The following PHYHD1 variants were observed in gnomAD, a reference collection of about 807,000 sequenced individuals.
The protein encoded by PHYHD1 is phytanoyl-CoA dioxygenase domain containing 1, also known as phytanoyl-CoA dioxygenase domain-containing protein 1.
A neutral mutation model predicts 43.6 loss-of-function variants in PHYHD1; 42 were observed. That is an observed-to-expected ratio of 0.96 (90% confidence interval 0.75 to 1.25). The LOEUF (loss-of-function observed/expected upper bound fraction) is 1.25, where lower values mean the gene tolerates loss of function less well. PHYHD1 is among the 50% of genes most tolerant of loss of function. PHYHD1 has a pLI of 0.00. For missense variants in PHYHD1, 342 were observed against 370.8 expected (o/e 0.92, Z 0.64); for synonymous variants, 139 against 143.6 (o/e 0.97, Z 0.23).
chr9:128,936,340 C>A lies in PHYHD1; in HGVS notation c.317-108C>A, dbSNP rs1841421458. The A allele has an allele frequency of 3.4e-6, 5 of 1,458,096 alleles. No homozygotes were observed. The East Asian group carries it at 9.9e-5, about 29-fold the overall frequency. The allele number at this position is 1,458,096 out of a possible 1,614,324, so 90.3% of individuals were successfully genotyped here. A position where few individuals can be genotyped will look rare whatever the true frequency, so the allele number is the denominator to read the frequency against. ...AAACAAGCAGAAGGGTTAATGCCTACAAAGTAAGTGAGAATGTCAAAGTAA... is the reference window on the plus strand; with the variant it reads ...AAACAAGCAGAAGGGTTAATGCCTAAAAAGTAAGTGAGAATGTCAAAGTAA... On this transcript the variant is annotated intron_variant, in intron 6 of 12. Transcript: ENST00000372592.
At chr9:128,926,558 C>CTTT (rs56677426) in intron 3 of PHYHD1, among the ~76,000 whole-genome samples, 5 of 119,116 alleles carry the variant, frequency 4.2e-5, no homozygotes, top group Admixed American at 9.3e-5. Flanking sequence ...CTTTTTCTTT[C>CTTT]TTTTTTTTTT....
In PHYHD1 at chr9:128,941,440, G is replaced by C. The variant is rs1355099971; in HGVS notation, c.704-5G>C. ...AGGTTCCTGACCTGCTTGTGTCTCT[G>C]CCAGGGGCCCTGGTCCTCATCCATG... On this transcript the variant is annotated splice_polypyrimidine_tract_variant and splice_region_variant and intron_variant, in intron 11 of 12. Coordinates refer to ENST00000372592, the MANE Select transcript of PHYHD1 (RefSeq NM_001100876.2). 1.2e-6 allele frequency: 2 copies of C among 1,612,916 alleles called. No homozygotes were observed. The highest frequency in any genetic ancestry group is 4.5e-5 in the East Asian group (2 of 44,874).
intron 3 of PHYHD1, among the ~76,000 whole-genome samples, chr9:128,926,142 A>G (rs960794226): frequency 3.9e-5 from 6 of 152,218 alleles, no homozygotes; most frequent in African/African-American, 1.4e-4. Flanking sequence ...TGCTCAATCA[A>G]TATTGGCTGA....
chr9:128,941,495 C>G lies in PHYHD1; in HGVS notation c.754C>G (p.Leu252Val), dbSNP rs1359633343. 6.2e-7 allele frequency: 1 copy of G among 1,614,034 alleles called. No individual in the cohort carries two copies. Among genetic ancestry groups the G allele is most frequent in the African/African-American group, 1.3e-5 (1 of 75,004 alleles). Reference protein sequence around the residue: ...GEVVHKSKQNLSDRSRQAYTF... With the variant: ...GEVVHKSKQNVSDRSRQAYTF... ...AGTGGTACACAAGAGCAAGCAGAAC[C>G]TCTCTGACCGCTCGCGCCAGGCCTA... is the stretch of plus-strand genomic sequence containing the variant. Residue 252 changes from leucine (L) to valine (V), a missense_variant, in exon 12 of 13, where the codon CTC (leucine) becomes GTC (valine). Leu to Val is a conservative substitution (Grantham distance 32). Transcript: ENST00000372592.
intron 4 of PHYHD1, among the ~76,000 whole-genome samples, chr9:128,932,929 G>C (rs533973610): frequency 4.6e-4 from 69 of 150,422 alleles, no homozygotes; most frequent in African/African-American, 1.7e-3. Flanking sequence ...CTCACTGCAA[G>C]CTCTGCCTCC....
intron 2 of PHYHD1, 90 bp downstream of exon 2, chr9:128,922,137 T>C (rs778385570): frequency 1.7e-6 from 1 of 598,640 alleles, no homozygotes; most frequent in Non-Finnish European, 3.0e-6. Context: ...CCTGGATTAG[T>C]TGTGGGGGTG....
rs554660850 is a variant in PHYHD1, at chr9:128,941,821, C to T, written c.*108C>T. On this transcript the variant is annotated 3_prime_UTR_variant, in exon 13 of 13. Coordinates refer to ENST00000372592, the MANE Select transcript of PHYHD1 (RefSeq NM_001100876.2). ...TTGCAACAGGGAGGTCTTGTCTCCC[C>T]TCCTGGGCTTTCCTCCTGCCCTGTG... is the stretch of plus-strand genomic sequence containing the variant. The T allele has an allele frequency of 4.7e-5, 69 of 1,477,762 alleles. No homozygotes were observed. The Admixed American group carries it at 8.9e-4, about 19-fold the overall frequency. 91.5% of individuals were successfully genotyped at this position (1,477,762 alleles called of 1,614,324 possible). A position where few individuals can be genotyped will look rare whatever the true frequency, so the allele number is the denominator to read the frequency against.
rs535245117 is a variant in PHYHD1, at chr9:128,936,373, T to C, written c.317-75T>C. 2.2e-4 allele frequency: 341 copies of C among 1,545,160 alleles called. No homozygotes were observed. In the Middle Eastern group the frequency reaches 2.4e-3, roughly 11 times the overall value. ...GTGAGAATGTCAAAGTAAGCCTGAGTGTGGGTGCCCAGAGCTGGGTGTGGA... is the reference window on the plus strand; with the variant it reads ...GTGAGAATGTCAAAGTAAGCCTGAGCGTGGGTGCCCAGAGCTGGGTGTGGA... On this transcript the variant is annotated intron_variant, in intron 6 of 12. Transcript: ENST00000372592.
rs576622482 is a variant in PHYHD1, at chr9:128,941,387, C to A, written c.704-58C>A. On this transcript the variant is annotated intron_variant, in intron 11 of 12. Transcript: ENST00000372592. ...GGAGGAGGGCCCATGTCCCTTCCTGCTCTGGGGAGGGGGGATGTGGGGCTG... is the reference window on the plus strand; with the variant it reads ...GGAGGAGGGCCCATGTCCCTTCCTGATCTGGGGAGGGGGGATGTGGGGCTG... 37 of 1,597,572 alleles carry A rather than the reference C, an allele frequency of 2.3e-5. No individual in the cohort carries two copies. The East Asian group carries it at 8.3e-4, about 36-fold the overall frequency.
chr9:128,935,883 C>T (rs1841412926), intron 6 of PHYHD1, among the ~76,000 whole-genome samples: 1 of 152,132 alleles, frequency 6.6e-6, no homozygotes, highest in Non-Finnish European at 1.5e-5. Context: ...GCCTGGGCGA[C>T]AGAGTGAGAC....
chr9:128,923,299 G>T (rs1244462379), intron 3 of PHYHD1, among the ~76,000 whole-genome samples: 1 of 152,106 alleles, frequency 6.6e-6, no homozygotes, highest in Non-Finnish European at 1.5e-5. Context: ...CTGGTCCAGA[G>T]CTCCTGGGCT....
At position 128,939,295 on chromosome 9, in the gene PHYHD1, G is replaced by A. The variant is rs1841496975; in HGVS notation, c.458-1074G>A. On this transcript the variant is annotated intron_variant, in intron 9 of 12. Coordinates refer to ENST00000372592, the MANE Select transcript of PHYHD1 (RefSeq NM_001100876.2). The stretch of plus-strand genomic sequence containing the variant: ...TGGGGAGGTTTTTAAAAATGTGGAT[G>A]CTGGCCAGGAGTGGTGGCTCACGCT... Among the ~76,000 whole-genome samples the A allele has an allele frequency of 1.5e-5, 2 of 129,176 alleles. 1 individual carries two copies. Among genetic ancestry groups the A allele is most frequent in the Non-Finnish European group, 3.6e-5 (2 of 55,728 alleles). 84.7% of individuals were successfully genotyped at this position (129,176 alleles called of 152,430 possible).
chr9:128,930,817 C>T (rs540472466), intron 4 of PHYHD1, among the ~76,000 whole-genome samples: 16 of 151,450 alleles, frequency 1.1e-4, no homozygotes, highest in African/African-American at 2.2e-4. Context: ...GGTGTGGTGG[C>T]GGGCACCTGT....
intron 7 of PHYHD1, 32 bp from the exon 8 acceptor site, chr9:128,936,551 A>C (rs1336464939): frequency 6.2e-7 from 1 of 1,608,740 alleles, no homozygotes; most frequent in South Asian, 1.1e-5. Context: ...CATGTGTGGC[A>C]GGCTGGCAGC....
Position 128,927,101 on chromosome 9 carries a change from C to T in PHYHD1, c.97C>T (p.Gln33Ter), listed in dbSNP as rs766374407. 3.7e-6 allele frequency: 6 copies of T among 1,614,132 alleles called. No homozygotes were observed. Among genetic ancestry groups the T allele is most frequent in the Non-Finnish European group, 5.1e-6 (6 of 1,180,006 alleles). Residue 33 changes from glutamine to a stop codon, truncating the protein, a stop_gained, in exon 4 of 13, where the codon CAA (glutamine) becomes TAA (stop). Coordinates refer to ENST00000372592, the MANE Select transcript of PHYHD1 (RefSeq NM_001100876.2). LOFTEE classifies it high-confidence loss of function. ...GTCTGCGGAAGAGTGTGTGGCCATG[C>T]AACAAAGGATTGGCGAGATAGTGGC... ...FLSAEECVAMQQRIGEIVAEM... is the reference protein window; with the variant it reads ...FLSAEECVAM
chr9:128,939,991 T>C (rs1841516688), intron 9 of PHYHD1, among the ~76,000 whole-genome samples: 1 of 152,170 alleles, frequency 6.6e-6, no homozygotes, highest in African/African-American at 2.4e-5. Flanking sequence ...GTGAACCATC[T>C]GGTGGCTGGG....
At chr9:128,934,136 C>A in intron 6 of PHYHD1, 78 bp downstream of exon 6, 2 of 1,465,730 alleles carry the variant, frequency 1.4e-6, no homozygotes, top group African/African-American at 1.4e-5. Flanking sequence ...GTAATCCTAA[C>A]TAACACTTTG....
chr9:128,941,399 G>C (rs1440051083), intron 11 of PHYHD1, 46 bp from the exon 12 acceptor site: 1 of 1,603,984 alleles, frequency 6.2e-7, no homozygotes, highest in East Asian at 2.2e-5. Flanking sequence ...CTGGGGAGGG[G>C]GGATGTGGGG....
At position 128,927,097 on chromosome 9, in the gene PHYHD1, C is replaced by G. The variant is rs767298203; in HGVS notation, c.93C>G (p.Ala31=). 3 of 1,614,012 alleles carry G rather than the reference C, an allele frequency of 1.9e-6. No homozygotes were observed. In the Admixed American group the frequency reaches 5.0e-5, roughly 27 times the overall value. The change falls in exon 4 of 13, where the codon GCC becomes GCG. Residue 31 remains alanine, a synonymous_variant. Coordinates refer to ENST00000372592, the MANE Select transcript of PHYHD1 (RefSeq NM_001100876.2). ...TCTTGTCTGCGGAAGAGTGTGTGGC[C>G]ATGCAACAAAGGATTGGCGAGATAG... ...EGFLSAEECV[A]MQQRIGEIVA...
Sources: gnomAD v4.1 joint callset for allele counts (sites outside exome capture counted in the v4.1 genomes callset) on GRCh38, gnomAD v4.1.1 for gene constraint, MANE v1.5 for transcripts, NCBI Gene and HGNC (gene_info 2026-07-23, HGNC 2026-07-21) for gene names.